TEK: variants seen among roughly 807,000 people sequenced by gnomAD.
TEK encodes TEK receptor tyrosine kinase, also known as angiopoietin-1 receptor.
TEK carries 43 observed loss-of-function variants against 131.8 expected under a neutral mutation model. The ratio of observed to expected loss-of-function variants is 0.33; its 90% CI spans 0.26 to 0.42. TEK has a LOEUF of 0.42. TEK is among the 10% of genes least tolerant of loss of function. The pLI, the probability that TEK is intolerant of heterozygous loss-of-function variation, is 1.00. For missense variants in TEK, 1,162 were observed against 1,384.4 expected, an observed-to-expected ratio of 0.84 and a Z score of 2.55; for synonymous variants, 580 against 491.6, an observed-to-expected ratio of 1.18 and a Z score of -2.38.
chr9:27,166,021 T>G (rs1823717056), intron 2 of TEK, among the ~76,000 whole-genome samples: 1 of 152,254 alleles, frequency 6.6e-6, no homozygotes, highest in Non-Finnish European at 1.5e-5. Flanking sequence ...TGATTAGTCT[T>G]TCTCAAACCA....
intron 1 of TEK, among the ~76,000 whole-genome samples, chr9:27,116,726 G>A (rs1223951164): frequency 6.6e-6 from 1 of 152,158 alleles, no homozygotes; most frequent in African/African-American, 2.4e-5. Flanking sequence ...TTGAAATGAA[G>A]GAACGAGAAA....
intron 21 of TEK, among the ~76,000 whole-genome samples, chr9:27,223,150 G>A (rs1174251057): frequency 2.1e-5 from 3 of 146,176 alleles, no homozygotes; most frequent in East Asian, 4.1e-4. Flanking sequence ...ACTGCAAAGA[G>A]ACTTAAAGTC....
At position 27,156,536 on chromosome 9, in the gene TEK, A is replaced by G. The variant is rs79899091; in HGVS notation, c.53-1295A>G. Among the ~76,000 whole-genome samples the G allele has an allele frequency of 5.3e-4, 81 of 152,186 alleles. 4 individuals carry two copies. In the East Asian group the frequency reaches 0.016, roughly 29 times the overall value. On this transcript the variant is annotated intron_variant, in intron 1 of 22. Transcript: ENST00000380036. The stretch of plus-strand genomic sequence containing the variant: ...TGCCAAGAGTGGAGAAAAACATTCC[A>G]GGCAGAAGGAACAGCAAAGGCTTTG...
At chr9:27,209,476 A>G (rs1434047401) in intron 16 of TEK, among the ~76,000 whole-genome samples, 1 of 152,140 alleles carries the variant, frequency 6.6e-6, no homozygotes, top group African/African-American at 2.4e-5. Context: ...GCCCAAAGGT[A>G]TTCATGGCTC....
intron 21 of TEK, among the ~76,000 whole-genome samples, chr9:27,224,573 C>G (rs536587266): frequency 6.6e-6 from 1 of 152,268 alleles, no homozygotes; most frequent in South Asian, 2.1e-4. Context: ...AGGCTAAACA[C>G]GCTCAGTAAA....
At chr9:27,223,087 A>G (rs1214620951) in intron 21 of TEK, among the ~76,000 whole-genome samples, 1 of 152,232 alleles carries the variant, frequency 6.6e-6, no homozygotes, top group Non-Finnish European at 1.5e-5. Flanking sequence ...TATCTTAAAT[A>G]TATATGCACC....
At chr9:27,191,474 C>T (rs1462995692) in intron 10 of TEK, among the ~76,000 whole-genome samples, 3 of 152,040 alleles carry the variant, frequency 2.0e-5, no homozygotes, top group Non-Finnish European at 4.4e-5. Flanking sequence ...AAAGACCTGC[C>T]ACTAACATGC....
intron 10 of TEK, chr9:27,192,087 C>G: frequency 2.6e-6 from 1 of 390,432 alleles, no homozygotes; most frequent in Non-Finnish European, 5.0e-6. Context: ...AGCAAACCTC[C>G]TAAGCATCTT....
intron 1 of TEK, among the ~76,000 whole-genome samples, chr9:27,114,597 T>C (rs533008150): frequency 2.6e-4 from 40 of 152,172 alleles, no homozygotes; most frequent in South Asian, 1.2e-3. Flanking sequence ...AAATTTAATA[T>C]TAGGTTGGTG....
chr9:27,202,718 T>G, intron 12 of TEK, 102 bp from the exon 13 acceptor site: 2 of 1,264,738 alleles, frequency 1.6e-6, no homozygotes, highest in Non-Finnish European at 2.3e-6. Flanking sequence ...AGAAAACATT[T>G]GTTTGCCTTA....
intron 8 of TEK, among the ~76,000 whole-genome samples, chr9:27,185,110 C>T (rs760130897): frequency 6.6e-6 from 1 of 152,044 alleles, no homozygotes; most frequent in Non-Finnish European, 1.5e-5. Context: ...CCCCACTTGA[C>T]AGCCTCTCAA....
intron 1 of TEK, among the ~76,000 whole-genome samples, chr9:27,131,227 A>G (rs6475960): frequency 0.29 from 44,707 of 151,986 alleles, 7,530 homozygotes; most frequent in African/African-American, 0.45. Flanking sequence ...CATGCCTGTA[A>G]TGCCAACACT....
At chr9:27,109,785 C>T (rs1277669660) in intron 1 of TEK, 143 bp downstream of exon 1, 16 of 803,516 alleles carry the variant, frequency 2.0e-5, no homozygotes, top group African/African-American at 3.4e-5. Context: ...AGTCTCCAGT[C>T]AATATGTGTG....
At chr9:27,117,145 G>A (rs1440120334) in intron 1 of TEK, among the ~76,000 whole-genome samples, 11 of 152,214 alleles carry the variant, frequency 7.2e-5, no homozygotes, top group East Asian at 1.9e-4. Context: ...GATTACAGGC[G>A]TGAGCCACTG....
intron 21 of TEK, among the ~76,000 whole-genome samples, chr9:27,222,936 C>T (rs1826146839): frequency 6.6e-6 from 1 of 151,840 alleles, no homozygotes; most frequent in South Asian, 2.1e-4. Context: ...ATTTACCAAG[C>T]AAATAGAAAG....
chr9:27,197,529 C>A lies in TEK; in HGVS notation c.1839C>A (p.Val613=). 1 of 1,614,022 alleles carries A rather than the reference C, an allele frequency of 6.2e-7. No individual in the cohort carries two copies. The highest frequency in any genetic ancestry group is 8.5e-7 in the Non-Finnish European group (1 of 1,179,996). The change falls in exon 12 of 23, where the codon GTC becomes GTA. Residue 613 remains valine, a synonymous_variant. Transcript: ENST00000380036. ...TACATCCCAGGGAGCAGTACGTGGT[C>A]CGAGCTAGAGTCAACACCAAGGCCC... ...NNLHPREQYV[V]RARVNTKAQG... is the part of the protein sequence containing the mutation.
intron 1 of TEK, among the ~76,000 whole-genome samples, chr9:27,138,609 A>T (rs1409065928): frequency 6.6e-6 from 1 of 152,208 alleles, no homozygotes; most frequent in Non-Finnish European, 1.5e-5. Context: ...TTCTTGATTT[A>T]TTTATATTCA....
Position 27,197,461 on chromosome 9 carries a change from A to G in TEK, c.1771A>G (p.Ile591Val), listed in dbSNP as rs1322459100. 2 of 1,614,102 alleles carry G rather than the reference A, an allele frequency of 1.2e-6. No individual in the cohort carries two copies. The highest frequency in any genetic ancestry group is 1.6e-4 in the Middle Eastern group (1 of 6,062). ...RSVQKSDQQN[I>V]KVPGNLTSVL... ...TGTGCAAAAAAGTGATCAGCAGAAT[A>G]TTAAAGTTCCAGGCAACTTGACTTC... The change falls in exon 12 of 23, where the codon ATT becomes GTT. Residue 591 changes from isoleucine (I) to valine (V), a missense_variant. This residue lies in a region of TEK where 477 missense variants were observed against 471.0 expected (regional missense o/e 1.01). Coordinates refer to ENST00000380036, the MANE Select transcript of TEK (RefSeq NM_000459.5).
intron 1 of TEK, among the ~76,000 whole-genome samples, chr9:27,143,617 C>A (rs1822808706): frequency 6.6e-6 from 1 of 152,184 alleles, no homozygotes; most frequent in African/African-American, 2.4e-5. Flanking sequence ...TTTTAGATGG[C>A]TTTTCCTCAA....
Sources: gnomAD v4.1 joint callset for allele counts (sites outside exome capture counted in the v4.1 genomes callset) on GRCh38, gnomAD v4.1.1 for gene constraint, gnomAD v4.1.1 regional missense constraint, MANE v1.5 for transcripts, NCBI Gene and HGNC (gene_info 2026-07-23, HGNC 2026-07-21) for gene names.